SEC23IP: variants seen among roughly 807,000 people sequenced by gnomAD.
SEC23IP encodes the protein SEC23 interacting protein, also known as SEC23-interacting protein.
A neutral mutation model predicts 113.4 loss-of-function variants in SEC23IP; 70 were observed. That is an observed-to-expected ratio of 0.62 (90% CI 0.51 to 0.75). SEC23IP has a LOEUF of 0.75. Ranked by LOEUF, SEC23IP falls within the 30% of genes least tolerant of loss-of-function variation. SEC23IP has a pLI of 0.00. For missense variants in SEC23IP, 1,160 were observed against 1,204.9 expected (o/e 0.96, Z 0.55); for synonymous variants, 398 against 421.0 (o/e 0.95, Z 0.67).
chr10:119,919,217 C>A (rs1855157087), intron 10 of SEC23IP, among the ~76,000 whole-genome samples: 1 of 152,100 alleles, frequency 6.6e-6, no homozygotes, highest in African/African-American at 2.4e-5. Context: ...TGGTCTTCAA[C>A]TCCTGACCTC....
intron 13 of SEC23IP, among the ~76,000 whole-genome samples, chr10:119,929,094 A>AATCT (rs1173128611): frequency 2.0e-5 from 3 of 152,244 alleles, no homozygotes; most frequent in Non-Finnish European, 2.9e-5. Context: ...TTGAGTTTAG[A>AATCT]AGTCTAAAGT....
At position 119,931,555 on chromosome 10, in the gene SEC23IP, A is replaced by C. The variant is rs181042626; in HGVS notation, c.2573-578A>C. The stretch of plus-strand genomic sequence containing the variant: ...AAAAAAGGCATAAGAATGTGCTTAC[A>C]TTTTTTTTTTTTTTTGAGTCGGAGT... On this transcript the variant is annotated intron_variant, in intron 15 of 18. Coordinates refer to ENST00000369075, the MANE Select transcript of SEC23IP (RefSeq NM_007190.4). 3.5e-4 allele frequency among the ~76,000 whole-genome samples: 47 copies of C among 135,316 alleles called. 1 individual carries two copies. Among genetic ancestry groups the C allele is most frequent in the African/African-American group, 1.2e-3 (45 of 36,734 alleles). 88.8% of individuals were successfully genotyped at this position (135,316 alleles called of 152,430 possible).
intron 5 of SEC23IP, among the ~76,000 whole-genome samples, chr10:119,909,351 AGGTGCACACC>A (rs1327080860): frequency 6.6e-6 from 1 of 152,170 alleles, no homozygotes; most frequent in African/African-American, 2.4e-5. Context: ...TCGTAGGGCG[AGGTGCACACC>A]TGTGAGAGGC....
Position 119,932,256 on chromosome 10 carries a change from A to G in SEC23IP, c.2696A>G (p.Gln899Arg). The change falls in exon 16 of 19, where the codon CAA (glutamine) becomes CGA (arginine). Residue 899 changes from glutamine (Q) to arginine (R), a missense_variant. Gln to Arg is a conservative substitution (Grantham distance 43). Transcript: ENST00000369075. The part of the protein sequence containing the change: ...ARAHTSSTQL[Q>R]EELEKVANQI... ...GCTCATACGTCTTCAACCCAGTTGC[A>G]AGAAGAATTGGAGAAGGTGGCCAAT... is the stretch of plus-strand genomic sequence containing the variant. The G allele has an allele frequency of 4.3e-6, 7 of 1,614,142 alleles. No individual in the cohort carries two copies. The highest frequency in any genetic ancestry group is 5.9e-6 in the Non-Finnish European group (7 of 1,179,974).
chr10:119,906,261 A>G (rs2456721), intron 4 of SEC23IP, among the ~76,000 whole-genome samples: 104,112 of 146,604 alleles, frequency 0.71, 37,330 homozygotes, highest in East Asian at 0.82. Context: ...TAGCCTGGGC[A>G]ACAGAGCAAG....
At chr10:119,928,438 G>A (rs1248041345) in intron 13 of SEC23IP, among the ~76,000 whole-genome samples, 1 of 152,224 alleles carries the variant, frequency 6.6e-6, no homozygotes, top group East Asian at 1.9e-4. Flanking sequence ...GGAATGTGAA[G>A]TCTAGACTTT....
chr10:119,910,904 T>C (rs1484575656), intron 5 of SEC23IP, among the ~76,000 whole-genome samples: 1 of 151,924 alleles, frequency 6.6e-6, no homozygotes, highest in Admixed American at 6.6e-5. Flanking sequence ...AGGCTGGTCT[T>C]GAACTCTTGG....
chr10:119,920,118 G>A (rs1395571007), intron 11 of SEC23IP, among the ~76,000 whole-genome samples: 2 of 152,130 alleles, frequency 1.3e-5, no homozygotes. Flanking sequence ...TGTGGCCAGG[G>A]TGAAGGGAAC....
At chr10:119,930,455 C>G in intron 15 of SEC23IP, 24 bp downstream of exon 15, 1 of 1,385,528 alleles carries the variant, frequency 7.2e-7, no homozygotes, top group Non-Finnish European at 1.0e-6. Context: ...ACTATAAAAA[C>G]TTTTTTTCCT....
Position 119,942,403 on chromosome 10 carries a change from A to C in SEC23IP, c.*1838A>C, listed in dbSNP as rs368258182. 9 of 152,196 alleles carry C rather than the reference A, an allele frequency of 5.9e-5. No individual in the cohort carries two copies. Among genetic ancestry groups the C allele is most frequent in the African/African-American group, 2.2e-4 (9 of 41,452 alleles). 9.4% of individuals were successfully genotyped at this position (152,196 alleles called of 1,614,324 possible). A position where few individuals can be genotyped will look rare whatever the true frequency, so the allele number is the denominator to read the frequency against. ...TATTCAGTCTCTTAAAAACCAAAAA[A>C]CAGTAGATCCCCTGAGGGTAGAGTC... On this transcript the variant is annotated 3_prime_UTR_variant, in exon 19 of 19. Transcript: ENST00000369075.
chr10:119,917,231 G>A (rs1479853341), intron 8 of SEC23IP, among the ~76,000 whole-genome samples: 1 of 150,416 alleles, frequency 6.6e-6, no homozygotes, highest in South Asian at 2.1e-4. Context: ...GTGGAGTCTC[G>A]CTCTGTCACC....
chr10:119,921,422 G>A (rs1299993833), intron 12 of SEC23IP, among the ~76,000 whole-genome samples: 2 of 152,080 alleles, frequency 1.3e-5, no homozygotes, highest in Non-Finnish European at 2.9e-5. Flanking sequence ...CTATCCTCCC[G>A]CCTCAGCCTT....
At chr10:119,894,824 A>G (rs1256579876) in intron 1 of SEC23IP, among the ~76,000 whole-genome samples, 1 of 151,900 alleles carries the variant, frequency 6.6e-6, no homozygotes, top group Non-Finnish European at 1.5e-5. Context: ...AATTCATGCT[A>G]AACGTTTTCA....
At chr10:119,910,969 G>A (rs2134477582) in intron 5 of SEC23IP, among the ~76,000 whole-genome samples, 1 of 151,190 alleles carries the variant, frequency 6.6e-6, no homozygotes, top group Admixed American at 6.6e-5. Context: ...ACAGGTGTGA[G>A]CCAACACGCT....
chr10:119,911,122 A>T (rs975640055), intron 5 of SEC23IP, among the ~76,000 whole-genome samples: 2 of 151,588 alleles, frequency 1.3e-5, no homozygotes, highest in Non-Finnish European at 2.9e-5. Flanking sequence ...TTTCCTAAAA[A>T]GTGGTAGGGT....
chr10:119,904,091 A>G lies in SEC23IP; in HGVS notation c.915A>G (p.Pro305=), dbSNP rs1165491982. The stretch of plus-strand genomic sequence containing the variant: ...GTTAATTTTGTTCTCTAGTTCAGCC[A>G]GATCCGGAGAGCGTGGTTCTTGGCA... ...NLEEIYNSVQ[P]DPESVVLGTD... is the part of the protein sequence containing the mutation. Residue 305 remains proline, a synonymous_variant, in exon 4 of 19, where the codon CCA becomes CCG. Transcript: ENST00000369075. 2 of 1,613,766 alleles carry G rather than the reference A, an allele frequency of 1.2e-6. No homozygotes were observed. Among genetic ancestry groups the G allele is most frequent in the African/African-American group, 1.3e-5 (1 of 74,932 alleles).
At chr10:119,907,713 G>A (rs967133625) in intron 4 of SEC23IP, among the ~76,000 whole-genome samples, 5 of 152,232 alleles carry the variant, frequency 3.3e-5, no homozygotes, top group African/African-American at 7.2e-5. Flanking sequence ...CACTTTGGGA[G>A]GCTGAGGTGG....
rs754992467 is a variant in SEC23IP at position 119,898,934 on chromosome 10, A to G, written c.671A>G (p.Gln224Arg). ...PPSGPPVQMY[Q>R]MPPGSLPPVP... ...TCTGGACCCCCTGTTCAGATGTACCAGATGCCTCCAGGATCTTTGCCACCG... is the reference window on the plus strand; with the variant it reads ...TCTGGACCCCCTGTTCAGATGTACCGGATGCCTCCAGGATCTTTGCCACCG... Residue 224 changes from glutamine to arginine, a missense_variant, in exon 2 of 19, where the codon CAG (glutamine) becomes CGG (arginine). By Grantham distance (43) the Gln-to-Arg change is conservative. Coordinates refer to ENST00000369075, the MANE Select transcript of SEC23IP (RefSeq NM_007190.4). 20 of 1,594,218 alleles carry G rather than the reference A, an allele frequency of 1.3e-5. No individual in the cohort carries two copies. Among genetic ancestry groups the G allele is most frequent in the Non-Finnish European group, 1.7e-5 (20 of 1,176,410 alleles).
chr10:119,894,558 A>G (rs1036259028), intron 1 of SEC23IP, among the ~76,000 whole-genome samples: 2 of 152,202 alleles, frequency 1.3e-5, no homozygotes, highest in African/African-American at 2.4e-5. Flanking sequence ...TAGTAGACCA[A>G]TTATTCAGTA....
Sources: allele counts gnomAD v4.1 joint callset (sites outside exome capture counted in the v4.1 genomes callset), GRCh38; gene constraint gnomAD v4.1.1; transcripts MANE v1.5; gene names NCBI Gene and HGNC (gene_info 2026-07-23, HGNC 2026-07-21).